Variants in TAS2R1 observed in about 807,000 individuals in gnomAD.
The protein encoded by TAS2R1 is taste receptor type 2 member 1.
For missense variants in TAS2R1, 370 were observed against 353.4 expected, an observed-to-expected ratio of 1.05 and a Z score of -0.38; for synonymous variants, 141 against 134.2, an observed-to-expected ratio of 1.05 and a Z score of -0.35.
At chr5:9,796,696 T>C in the TAS2R1 span, among the ~76,000 whole-genome samples, 1,010 of 130,490 alleles carry the variant, frequency 7.7e-3, 18 homozygotes, top group African/African-American at 0.028. Flanking sequence ...GGAAAGTCTT[T>C]GGCGCAGAAA....
At chr5:9,706,185 C>G (rs1382521371) in intron 1 of TAS2R1, among the ~76,000 whole-genome samples, 3 of 152,200 alleles carry the variant, frequency 2.0e-5, no homozygotes, top group African/African-American at 7.2e-5. Context: ...CCTGCTACTA[C>G]AAACTAGCAC....
the TAS2R1 span, among the ~76,000 whole-genome samples, chr5:9,834,621 T>A: frequency 2.0e-5 from 3 of 152,160 alleles, no homozygotes; most frequent in Non-Finnish European, 4.4e-5. Flanking sequence ...TTCTCTAGTT[T>A]CATCTTCAGA....
upstream of TAS2R1, among the ~76,000 whole-genome samples, chr5:9,631,395 A>G (rs1321062473): frequency 6.6e-6 from 1 of 152,156 alleles, no homozygotes; most frequent in Non-Finnish European, 1.5e-5. Context: ...ATGCACCACC[A>G]TGCCTGACTG....
intron 1 of TAS2R1, among the ~76,000 whole-genome samples, chr5:9,710,049 A>G (rs941490017): frequency 2.0e-5 from 3 of 152,262 alleles, no homozygotes; most frequent in Admixed American, 6.5e-5. Flanking sequence ...GATGTTTCAA[A>G]ATTGGGAGAT....
At chr5:9,845,460 G>A in the TAS2R1 span, among the ~76,000 whole-genome samples, 2 of 152,170 alleles carry the variant, frequency 1.3e-5, no homozygotes, top group Non-Finnish European at 2.9e-5. Flanking sequence ...TTCTGGGCAA[G>A]CTCCAGATTC....
intron 1 of TAS2R1, among the ~76,000 whole-genome samples, chr5:9,706,705 C>G (rs1207674148): frequency 6.6e-6 from 1 of 152,092 alleles, no homozygotes; most frequent in Non-Finnish European, 1.5e-5. Context: ...AATAATGGAG[C>G]TCAGAGGATA....
the TAS2R1 span, among the ~76,000 whole-genome samples, chr5:9,873,872 G>GA: frequency 0.31 from 38,103 of 121,504 alleles, 6,702 homozygotes; most frequent in East Asian, 0.47. Flanking sequence ...CTGTCTCGGG[G>GA]AAAAAAAAAA....
At chr5:9,893,641 G>A in the TAS2R1 span, among the ~76,000 whole-genome samples, 2,707 of 152,216 alleles carry the variant, frequency 0.018, 34 homozygotes, top group Middle Eastern at 0.034. Context: ...TTACAACAAC[G>A]TAATCTCCTT....
chr5:9,666,986 A>T (rs937637205), intron 1 of TAS2R1, among the ~76,000 whole-genome samples: 14 of 152,132 alleles, frequency 9.2e-5, no homozygotes, highest in African/African-American at 2.2e-4. Context: ...AATTTTTTTT[A>T]AAAAAAGATA....
At chr5:9,748,530 G>A in the TAS2R1 span, among the ~76,000 whole-genome samples, 1 of 152,104 alleles carries the variant, frequency 6.6e-6, no homozygotes. Context: ...TATATCTCAT[G>A]GAGCCCTCAG....
Position 9,629,624 on chromosome 5 carries a change from C to T in TAS2R1, c.409G>A (p.Val137Ile), listed in dbSNP as rs1332301808. 1 of 1,614,108 alleles carries T rather than the reference C, an allele frequency of 6.2e-7. No individual in the cohort carries two copies. The highest frequency in any genetic ancestry group is 8.5e-7 in the Non-Finnish European group (1 of 1,180,028). ...PWMILGSLLY[V>I]SMICVFHSKY... is the part of the protein sequence containing the mutation. ...CTATGGAAAACACAAATCATAGATA[C>T]ATATAGCAGAGACCCCAGGATCATC... Residue 137 changes from valine to isoleucine, a missense_variant, in exon 1 of 1, where the codon GTA becomes ATA. Transcript: ENST00000382492.
upstream of TAS2R1, among the ~76,000 whole-genome samples, chr5:9,715,843 A>T (rs1269352496): frequency 6.6e-6 from 1 of 152,232 alleles, no homozygotes; most frequent in East Asian, 1.9e-4. Context: ...TTCAGTGAGC[A>T]GGGAAGGGAA....
chr5:9,865,592 A>C, the TAS2R1 span, among the ~76,000 whole-genome samples: 1 of 152,270 alleles, frequency 6.6e-6, no homozygotes, highest in Non-Finnish European at 1.5e-5. Flanking sequence ...GCTCCTGAAA[A>C]GTTCTCTTAG....
chr5:9,826,148 AATCT>A, the TAS2R1 span, among the ~76,000 whole-genome samples: 1 of 152,182 alleles, frequency 6.6e-6, no homozygotes, highest in African/African-American at 2.4e-5. Flanking sequence ...AAATATTTTT[AATCT>A]ATCATTATAA....
At chr5:9,751,276 C>T in the TAS2R1 span, among the ~76,000 whole-genome samples, 2 of 151,638 alleles carry the variant, frequency 1.3e-5, no homozygotes, top group Admixed American at 6.6e-5. Flanking sequence ...ATAACCCTCC[C>T]CCACCCCCAC....
At chr5:9,890,473 T>C in the TAS2R1 span, among the ~76,000 whole-genome samples, 1 of 152,176 alleles carries the variant, frequency 6.6e-6, no homozygotes, top group Non-Finnish European at 1.5e-5. Flanking sequence ...ATCATTATTA[T>C]CTTTTCTCCT....
intron 1 of TAS2R1, among the ~76,000 whole-genome samples, chr5:9,670,629 C>T (rs1740730885): frequency 6.6e-6 from 1 of 151,856 alleles, no homozygotes; most frequent in South Asian, 2.1e-4. Flanking sequence ...TTAACAGTTC[C>T]AAAACTGAAG....
At chr5:9,776,237 A>G in the TAS2R1 span, among the ~76,000 whole-genome samples, 1 of 152,112 alleles carries the variant, frequency 6.6e-6, no homozygotes, top group Admixed American at 6.5e-5. Context: ...CTGTGTTCCA[A>G]TGCAAAGTCC....
At chr5:9,832,779 CTA>C in the TAS2R1 span, among the ~76,000 whole-genome samples, 6 of 152,200 alleles carry the variant, frequency 3.9e-5, no homozygotes, top group African/African-American at 7.2e-5. Context: ...AAATATTCCT[CTA>C]TGTTTTTGTA....
Sources: gnomAD v4.1 joint callset for allele counts (sites outside exome capture counted in the v4.1 genomes callset) on GRCh38, gnomAD v4.1.1 for gene constraint, MANE v1.5 for transcripts, NCBI Gene and HGNC (gene_info 2026-07-23, HGNC 2026-07-21) for gene names.